Variants in NBEA observed in about 807,000 individuals in gnomAD.
NBEA encodes neurobeachin, also known as lysosomal-trafficking regulator 2.
In NBEA, 44 loss-of-function variants were observed where a neutral mutation model predicts 343.4. The observed-to-expected ratio is 0.13, with a 90% confidence interval of 0.10 to 0.16. NBEA has a LOEUF of 0.16. Ranked by LOEUF, NBEA falls within the 10% of genes least tolerant of loss-of-function variation. The probability of loss-of-function intolerance (pLI) is 1.00; values close to 1 mark genes in which losing one functional copy is unlikely to be tolerated. For missense variants in NBEA, 2,555 were observed against 3,631.3 expected (o/e 0.70, Z 7.62); for synonymous variants, 1,175 against 1,238.7 (o/e 0.95, Z 1.08).
chr13:35,566,938 T>G lies in NBEA; in HGVS notation c.6956T>G (p.Val2319Gly). The G allele has an allele frequency of 6.2e-7, 1 of 1,612,150 alleles. No individual in the cohort carries two copies. The highest frequency in any genetic ancestry group is 8.5e-7 in the Non-Finnish European group (1 of 1,178,458). ...RTYNDLNQYP[V>G]FPWVLTNYES... The stretch of plus-strand genomic sequence containing the variant: ...TATAATGATCTGAACCAATATCCAG[T>G]GTTTCCGTGGGTGTTAACCAACTAT... Residue 2319 changes from valine (V) to glycine (G), a missense_variant, in exon 45 of 59, where the codon GTG becomes GGG. This residue lies in a region of NBEA where 38 missense variants were observed against 97.2 expected (regional missense o/e 0.39). Transcript: ENST00000379939.
At chr13:34,973,794 A>G (rs1188887067) in intron 1 of NBEA, among the ~76,000 whole-genome samples, 1 of 152,108 alleles carries the variant, frequency 6.6e-6, no homozygotes, top group Non-Finnish European at 1.5e-5. Context: ...GGGTCCGCAG[A>G]CCGTTACTGC....
intron 34 of NBEA, among the ~76,000 whole-genome samples, chr13:35,252,268 A>T (rs2032068371): frequency 6.6e-6 from 1 of 152,154 alleles, no homozygotes; most frequent in Non-Finnish European, 1.5e-5. Flanking sequence ...AAACCATCAG[A>T]TCTCATGAGA....
intron 34 of NBEA, among the ~76,000 whole-genome samples, 156 bp downstream of exon 34, chr13:35,232,775 C>A (rs961209964): frequency 1.3e-5 from 2 of 152,040 alleles, no homozygotes; most frequent in East Asian, 1.9e-4. Flanking sequence ...TCTCTTCACT[C>A]ATTTTTTTTA....
intron 10 of NBEA, among the ~76,000 whole-genome samples, chr13:35,094,181 C>T (rs2065220025): frequency 6.6e-6 from 1 of 151,800 alleles, no homozygotes; most frequent in East Asian, 1.9e-4. Context: ...GAGTAATAAC[C>T]TCACTTTTAA....
rs73502446 is a variant in NBEA, at chr13:35,171,128, T to C, written c.4243-144T>C. On this transcript the variant is annotated intron_variant, in intron 25 of 58. Coordinates refer to ENST00000379939, the MANE Select transcript of NBEA (RefSeq NM_001385012.1). Reference sequence around the variant, plus strand: ...AATTTGGTAACCAGCTCTGGTGATATATGGAATTAGTTGAACATTTATTTT... The same window carrying C: ...AATTTGGTAACCAGCTCTGGTGATACATGGAATTAGTTGAACATTTATTTT... 2,867 of 824,162 alleles carry C rather than the reference T, an allele frequency of 3.5e-3. 34 individuals are homozygous for C. Among genetic ancestry groups the C allele is most frequent in the African/African-American group, 0.022 (1,295 of 59,970 alleles). The allele number at this position is 824,162 out of a possible 1,614,324, so 51.1% of individuals were successfully genotyped here. A position where few individuals can be genotyped will look rare whatever the true frequency, so the allele number is the denominator to read the frequency against.
chr13:35,536,951 G>A lies in NBEA; in HGVS notation c.6586-13526G>A, dbSNP rs1323507341. Among the ~76,000 whole-genome samples, 6 of 152,296 alleles carry A rather than the reference G, an allele frequency of 3.9e-5. No homozygotes were observed. In the South Asian group the frequency reaches 8.3e-4, roughly 21 times the overall value. ...ATATACCCCTGGAACTGGCCAGGGG[G>A]TCAGTGTGTCCTGGCTTGGAAGTGA... On this transcript the variant is annotated intron_variant, in intron 41 of 58. Transcript: ENST00000379939.
At chr13:35,087,854 C>T (rs535047627) in intron 10 of NBEA, among the ~76,000 whole-genome samples, 7 of 151,868 alleles carry the variant, frequency 4.6e-5, no homozygotes, top group Middle Eastern at 3.4e-3. Flanking sequence ...CTATATTTGA[C>T]GTACATTAGA....
At position 35,183,989 on chromosome 13, in the gene NBEA, A is replaced by T. The variant is rs371222417; in HGVS notation, c.4845A>T (p.Pro1615=). 20 of 1,611,026 alleles carry T rather than the reference A, an allele frequency of 1.2e-5. No individual in the cohort carries two copies. In the African/African-American group the frequency reaches 2.4e-4, roughly 19 times the overall value. ...NSPTSTVVVI[P]SIPHPSLNHG... ...TTTTCTCCACAGTTGTGGTCATACCATCTATCCCTCATCCAAGTTTGAACC... is the reference window on the plus strand; with the variant it reads ...TTTTCTCCACAGTTGTGGTCATACCTTCTATCCCTCATCCAAGTTTGAACC... The change falls in exon 30 of 59, where the codon CCA becomes CCT. Residue 1615 remains proline, a synonymous_variant. Transcript: ENST00000379939.
intron 1 of NBEA, among the ~76,000 whole-genome samples, chr13:34,983,979 T>TC (rs1320174909): frequency 6.6e-6 from 1 of 152,192 alleles, no homozygotes; most frequent in Non-Finnish European, 1.5e-5. Context: ...GCCTGTTCAC[T>TC]CTGATGGTAG....
intron 36 of NBEA, among the ~76,000 whole-genome samples, chr13:35,317,700 T>C (rs1411901913): frequency 1.3e-5 from 2 of 152,220 alleles, no homozygotes; most frequent in Admixed American, 1.3e-4. Context: ...TTGGGCAATA[T>C]GGCCATTTTC....
chr13:34,955,825 T>C (rs1280917901), intron 1 of NBEA, among the ~76,000 whole-genome samples: 1 of 152,186 alleles, frequency 6.6e-6, no homozygotes, highest in Admixed American at 6.5e-5. Context: ...ATTGGTTGAA[T>C]GAGGCCCATC....
At chr13:35,113,576 C>T (rs1268422943) in intron 13 of NBEA, among the ~76,000 whole-genome samples, 4 of 141,316 alleles carry the variant, frequency 2.8e-5, no homozygotes, top group African/African-American at 1.1e-4. Flanking sequence ...ACTTGTTTTA[C>T]TCCTCCACTC....
chr13:35,600,704 G>A (rs1343195546), intron 47 of NBEA, among the ~76,000 whole-genome samples: 1 of 152,070 alleles, frequency 6.6e-6, no homozygotes, highest in East Asian at 1.9e-4. Flanking sequence ...TTTGTCAAAA[G>A]GTTAAGAAAC....
chr13:35,665,276 C>G, intron 56 of NBEA, 90 bp downstream of exon 56: 1 of 1,086,304 alleles, frequency 9.2e-7, no homozygotes, highest in East Asian at 2.6e-5. Context: ...TTCCAGGAAG[C>G]TTCCCATAGA....
chr13:35,417,262 T>G (rs569844862), intron 38 of NBEA, among the ~76,000 whole-genome samples: 51 of 152,262 alleles, frequency 3.3e-4, no homozygotes, highest in Non-Finnish European at 6.2e-4. Flanking sequence ...TCTTAGTTAT[T>G]TCTTCCTTCT....
rs538299018 is a variant in NBEA at position 35,415,095 on chromosome 13, G to T, written c.6180-17174G>T. Among the ~76,000 whole-genome samples the T allele has an allele frequency of 4.3e-3, 658 of 152,270 alleles. 4 individuals carry two copies. Among genetic ancestry groups the T allele is most frequent in the Non-Finnish European group, 8.1e-3 (549 of 68,012 alleles). On this transcript the variant is annotated intron_variant, in intron 38 of 58. Coordinates refer to ENST00000379939, the MANE Select transcript of NBEA (RefSeq NM_001385012.1). ...TGATGGGGTTGTTTGTTTTTGTCTT[G>T]TAAATTTGTTTAAGTTCTTTGTAGA... is the stretch of plus-strand genomic sequence containing the variant.
intron 28 of NBEA, among the ~76,000 whole-genome samples, chr13:35,181,542 G>A (rs2071320608): frequency 6.7e-6 from 1 of 149,846 alleles, no homozygotes; most frequent in South Asian, 2.1e-4. Flanking sequence ...TGAGTTCCTT[G>A]TAGATTGTGG....
chr13:35,135,208 G>A (rs2067649716), intron 17 of NBEA, among the ~76,000 whole-genome samples: 1 of 152,034 alleles, frequency 6.6e-6, no homozygotes, highest in Non-Finnish European at 1.5e-5. Context: ...AAACATTGGT[G>A]CATATAGCAT....
chr13:35,542,591 G>A (rs1350940925), intron 41 of NBEA, among the ~76,000 whole-genome samples: 1 of 152,070 alleles, frequency 6.6e-6, no homozygotes, highest in Non-Finnish European at 1.5e-5. Flanking sequence ...TTGTGTAGGA[G>A]TGGTCTATAG....
Sources: gnomAD v4.1 joint callset for allele counts (sites outside exome capture counted in the v4.1 genomes callset) on GRCh38, gnomAD v4.1.1 for gene constraint, gnomAD v4.1.1 regional missense constraint, MANE v1.5 for transcripts, NCBI Gene and HGNC (gene_info 2026-07-23, HGNC 2026-07-21) for gene names.